MEI4: variants seen among roughly 807,000 people sequenced by gnomAD.
MEI4 encodes the protein meiotic double-stranded break formation protein 4, also known as meiosis-specific protein MEI4.
Under a neutral mutation model 31.4 loss-of-function variants are expected in MEI4, and 27 were observed. The observed-to-expected ratio is 0.86, with a 90% CI of 0.63 to 1.19. The LOEUF (loss-of-function observed/expected upper bound fraction) is 1.19, where lower values mean the gene tolerates loss of function less well. Ranked by LOEUF, MEI4 falls within the 50% of genes most tolerant of loss-of-function variation. The probability of loss-of-function intolerance (pLI) is 0.00; values close to 1 mark genes in which losing one functional copy is unlikely to be tolerated. For missense variants in MEI4, 329 were observed against 398.9 expected (o/e 0.82, Z 1.49); for synonymous variants, 122 against 145.4 (o/e 0.84, Z 1.16).
At chr6:77,742,807 AG>A (rs1767453230) in intron 2 of MEI4, among the ~76,000 whole-genome samples, 1 of 152,032 alleles carries the variant, frequency 6.6e-6, no homozygotes, top group Admixed American at 6.5e-5. Flanking sequence ...ATAAGGTGTA[AG>A]GAAGGGATCC....
chr6:77,777,781 CAA>C (rs1279051249), intron 3 of MEI4, among the ~76,000 whole-genome samples: 1 of 151,756 alleles, frequency 6.6e-6, no homozygotes, highest in Non-Finnish European at 1.5e-5. Flanking sequence ...GGCAGAAATG[CAA>C]AACTTACATT....
intron 4 of MEI4, among the ~76,000 whole-genome samples, chr6:77,914,192 ATTGT>A (rs979653037): frequency 1.3e-5 from 2 of 151,364 alleles, no homozygotes; most frequent in South Asian, 2.1e-4. Flanking sequence ...ATATCATTAG[ATTGT>A]TTGAAATCTT....
At chr6:77,862,410 G>A (rs1023710861) in intron 4 of MEI4, among the ~76,000 whole-genome samples, 1 of 152,204 alleles carries the variant, frequency 6.6e-6, no homozygotes, top group Non-Finnish European at 1.5e-5. Flanking sequence ...TTAGCAAACG[G>A]CACAACAGGA....
chr6:77,887,067 TCTA>T (rs1463081023), intron 4 of MEI4, among the ~76,000 whole-genome samples: 1 of 152,100 alleles, frequency 6.6e-6, no homozygotes, highest in Non-Finnish European at 1.5e-5. Context: ...TTGAAATTTT[TCTA>T]CTTTTTGAGG....
At chr6:77,716,797 T>C in intron 2 of MEI4, 1 of 732,312 alleles carries the variant, frequency 1.4e-6, no homozygotes, top group Non-Finnish European at 1.7e-6. Context: ...AAACACTGCA[T>C]GTTGTCATGT....
rs1766776151 is a variant in MEI4 at position 77,923,876 on chromosome 6, G to C, written c.*530G>C. 6.6e-6 allele frequency: 1 copy of C among 151,588 alleles called. No homozygotes were observed. Among genetic ancestry groups the C allele is most frequent in the South Asian group, 2.1e-4 (1 of 4,828 alleles). The allele number at this position is 151,588 out of a possible 1,614,324, so 9.4% of individuals were successfully genotyped here. A position where few individuals can be genotyped will look rare whatever the true frequency, so the allele number is the denominator to read the frequency against. ...TAGAAGTAGAACTTTTTTAACATTT[G>C]GAAACTTAATTGCTTTTTATTTATT... On this transcript the variant is annotated 3_prime_UTR_variant, in exon 5 of 5. Transcript: ENST00000684080.
At chr6:77,848,658 T>C (rs553734023) in intron 4 of MEI4, among the ~76,000 whole-genome samples, 4 of 152,206 alleles carry the variant, frequency 2.6e-5, no homozygotes, top group South Asian at 2.1e-4. Context: ...CCCAGCTAGA[T>C]TGCCAACCTC....
At chr6:77,696,847 C>T (rs1766059471) in intron 2 of MEI4, among the ~76,000 whole-genome samples, 1 of 152,172 alleles carries the variant, frequency 6.6e-6, no homozygotes, top group Non-Finnish European at 1.5e-5. Flanking sequence ...ATGGTACCAG[C>T]TCCTCCTAGT....
At chr6:77,869,130 G>A (rs887330174) in intron 4 of MEI4, among the ~76,000 whole-genome samples, 1 of 152,138 alleles carries the variant, frequency 6.6e-6, no homozygotes, top group Non-Finnish European at 1.5e-5. Flanking sequence ...GCAAAGCAAA[G>A]TGCTTCCTGG....
intron 1 of MEI4, among the ~76,000 whole-genome samples, chr6:77,677,316 T>C (rs1768862746): frequency 6.6e-6 from 1 of 152,196 alleles, no homozygotes; most frequent in South Asian, 2.1e-4. Context: ...CCCAATGGCC[T>C]ACCACAGCTC....
intron 2 of MEI4, among the ~76,000 whole-genome samples, chr6:77,732,039 T>TA (rs972388545): frequency 7.4e-5 from 11 of 148,506 alleles, no homozygotes; most frequent in Non-Finnish European, 8.9e-5. Flanking sequence ...AGCTTTGTAG[T>TA]ATAGTTTGAA....
At chr6:77,851,369 A>G (rs80035963) in intron 4 of MEI4, among the ~76,000 whole-genome samples, 21,336 of 152,032 alleles carry the variant, frequency 0.14, 1,770 homozygotes, top group East Asian at 0.39. Flanking sequence ...ACAATAGCAA[A>G]GTCTTGGAAC....
intron 4 of MEI4, among the ~76,000 whole-genome samples, chr6:77,906,003 T>C (rs988632291): frequency 6.6e-6 from 1 of 152,080 alleles, no homozygotes; most frequent in Non-Finnish European, 1.5e-5. Flanking sequence ...TTTTATTTAT[T>C]GTATTTTCAG....
intron 2 of MEI4, among the ~76,000 whole-genome samples, chr6:77,701,425 T>TGC (rs2127656609): frequency 6.6e-6 from 1 of 152,172 alleles, no homozygotes; most frequent in East Asian, 1.9e-4. Flanking sequence ...TGAGTGTGTG[T>TGC]GCGGGTGGGG....
rs375507856 is a variant in MEI4, at chr6:77,734,809, AG to A, written c.233-26320del. 8.2e-3 allele frequency among the ~76,000 whole-genome samples: 1,239 copies of A among 151,084 alleles called. 48 individuals carry two copies. The East Asian group carries it at 0.14, about 17-fold the overall frequency. On this transcript the variant is annotated intron_variant, in intron 2 of 4. Coordinates refer to ENST00000684080, the MANE Select transcript of MEI4 (RefSeq NM_001322247.2). ...TTCCGTGTTTAGCGCTTCCTTCAGG[AG>A]CTCTTTTAGGGCAGGCCTGGTTGTG...
chr6:77,754,920 A>T (rs906675446), intron 2 of MEI4, among the ~76,000 whole-genome samples: 1 of 152,324 alleles, frequency 6.6e-6, no homozygotes, highest in African/African-American at 2.4e-5. Flanking sequence ...CTCTCCCTTG[A>T]CATGTGGGTA....
At chr6:77,903,088 C>T (rs1383079664) in intron 4 of MEI4, among the ~76,000 whole-genome samples, 1 of 152,110 alleles carries the variant, frequency 6.6e-6, no homozygotes, top group African/African-American at 2.4e-5. Flanking sequence ...ATATTGTCTA[C>T]AAACAGAGAT....
intron 4 of MEI4, among the ~76,000 whole-genome samples, chr6:77,912,509 T>C (rs143843635): frequency 2.0e-5 from 3 of 152,256 alleles, no homozygotes; most frequent in African/African-American, 4.8e-5. Flanking sequence ...TAGTCTGTAG[T>C]TGTCCTTGTA....
At chr6:77,795,495 A>G (rs1209415354) in intron 3 of MEI4, among the ~76,000 whole-genome samples, 1 of 152,130 alleles carries the variant, frequency 6.6e-6, no homozygotes, top group African/African-American at 2.4e-5. Flanking sequence ...AGGAAACAAA[A>G]CTAAGAGTCA....
Sources: allele counts gnomAD v4.1 joint callset (sites outside exome capture counted in the v4.1 genomes callset), GRCh38; gene constraint gnomAD v4.1.1; transcripts MANE v1.5; gene names NCBI Gene and HGNC (gene_info 2026-07-23, HGNC 2026-07-21).